The following PPEF1 variants were observed in gnomAD, a reference collection of about 807,000 sequenced individuals.
PPEF1 encodes the protein serine/threonine-protein phosphatase with EF-hands 1.
In PPEF1, 12 loss-of-function variants were observed where a neutral mutation model predicts 53.3. The ratio of observed to expected loss-of-function variants is 0.23; its 90% CI spans 0.14 to 0.36. PPEF1 has a LOEUF of 0.36. PPEF1 is among the 10% of genes least tolerant of loss of function. The pLI is 1.00. For missense variants in PPEF1, 334 were observed against 490.4 expected (o/e 0.68, Z 3.01); for synonymous variants, 165 against 176.7 (o/e 0.93, Z 0.52).
intron 3 of PPEF1, among the ~76,000 whole-genome samples, chrX:18,745,155 TATA>T (rs1392082642): frequency 3.1e-5 from 3 of 95,527 alleles, no homozygotes; most frequent in African/African-American, 1.2e-4. Context: ...TATTATATAT[TATA>T]ATATAATTAT....
At chrX:18,827,185 C>A in intron 15 of PPEF1, 91 bp from the exon 16 acceptor site, 1 of 704,183 alleles carries the variant, frequency 1.4e-6, no homozygotes, top group Non-Finnish European at 2.2e-6. Flanking sequence ...GAGTTTCTAA[C>A]TGGGGCTATT....
chrX:18,706,217 GAA>G (rs761694284), upstream of PPEF1, among the ~76,000 whole-genome samples: 1,287 of 54,340 alleles, frequency 0.024, 21 homozygotes, highest in African/African-American at 0.063. Flanking sequence ...GACCCTGTCT[GAA>G]AAAAAAAAAA....
intron 3 of PPEF1, among the ~76,000 whole-genome samples, chrX:18,734,128 T>TTTA (rs200557837): frequency 0.014 from 1,486 of 105,992 alleles, 24 homozygotes; most frequent in African/African-American, 0.048. Flanking sequence ...GGGAACCTTA[T>TTTA]TTATTATTAT....
chrX:18,726,374 AT>A (rs2147353523), intron 1 of PPEF1, among the ~76,000 whole-genome samples: 1 of 108,920 alleles, frequency 9.2e-6, no homozygotes, highest in Non-Finnish European at 1.9e-5. Flanking sequence ...AAATAAATAA[AT>A]AAATAAATAA....
chrX:18,738,411 T>C (rs973560788), intron 3 of PPEF1, among the ~76,000 whole-genome samples: 10 of 111,987 alleles, frequency 8.9e-5, no homozygotes, highest in Non-Finnish European at 1.9e-4. Context: ...TATGAAATTC[T>C]GGGTTGAAAA....
At chrX:18,765,397 A>G (rs892405447) in intron 6 of PPEF1, among the ~76,000 whole-genome samples, 4 of 111,825 alleles carry the variant, frequency 3.6e-5, no homozygotes, top group Non-Finnish European at 5.6e-5. Flanking sequence ...CACGAGGACT[A>G]TAGGTAATAA....
chrX:18,787,671 G>C (rs979937375), intron 9 of PPEF1, among the ~76,000 whole-genome samples: 1 of 107,425 alleles, frequency 9.3e-6, no homozygotes, highest in Non-Finnish European at 1.9e-5. Context: ...TATAGTCCCA[G>C]TACATTGGGA....
At chrX:18,819,351 C>T (rs970721342) in intron 13 of PPEF1, among the ~76,000 whole-genome samples, 1 of 111,718 alleles carries the variant, frequency 9.0e-6, no homozygotes, top group Non-Finnish European at 1.9e-5. Context: ...ATGGGTTAAA[C>T]GGAAGATTAG....
rs2044387684 is a variant in PPEF1 at position 18,714,088 on chromosome X, C to T, written c.46+6262C>T. 3.6e-5 allele frequency among the ~76,000 whole-genome samples: 4 copies of T among 110,874 alleles called. No individual in the cohort carries two copies. The South Asian group carries it at 1.5e-3, about 42-fold the overall frequency. On this transcript the variant is annotated intron_variant, in intron 1 of 15. Coordinates refer to ENST00000470157, the MANE Select transcript of PPEF1 (RefSeq NM_001377996.1). ...TCAAGGGCTATAAATATTTTGAAAG[C>T]TCTTGATAGAAAATGATAGATATTA...
intron 7 of PPEF1, 115 bp from the exon 8 acceptor site, chrX:18,782,251 T>C: frequency 1.7e-6 from 1 of 600,937 alleles, no homozygotes; most frequent in East Asian, 3.5e-5. Context: ...AACTGAACTC[T>C]GGTTTCTTGA....
intron 2 of PPEF1, 59 bp from the exon 3 acceptor site, chrX:18,733,689 T>G: frequency 1.0e-6 from 1 of 969,233 alleles, no homozygotes; most frequent in Non-Finnish European, 1.4e-6. Flanking sequence ...ACCAACAGCA[T>G]TTGTCACAGT....
At chrX:18,727,647 T>A (rs1355556271) in intron 1 of PPEF1, among the ~76,000 whole-genome samples, 1 of 110,124 alleles carries the variant, frequency 9.1e-6, no homozygotes, top group African/African-American at 3.3e-5. Context: ...ATCCCACAGG[T>A]TGAGGGCTCA....
chrX:18,733,669 C>T (rs1490677298), intron 2 of PPEF1, 79 bp from the exon 3 acceptor site: 37 of 842,864 alleles, frequency 4.4e-5, no homozygotes, highest in Admixed American at 6.2e-5. Flanking sequence ...TAAGGGCACT[C>T]GGGTGGAACA....
intron 5 of PPEF1, 142 bp downstream of exon 5, chrX:18,757,883 T>G: frequency 2.6e-6 from 1 of 381,737 alleles, no homozygotes; most frequent in Admixed American, 4.7e-5. Flanking sequence ...ATAATACTGT[T>G]CCCCATCTTG....
At chrX:18,716,304 G>A (rs956810107) in intron 1 of PPEF1, among the ~76,000 whole-genome samples, 3 of 110,575 alleles carry the variant, frequency 2.7e-5, no homozygotes, top group South Asian at 3.8e-4. Context: ...AGGCCGAGGC[G>A]GGTGAATCAC....
At chrX:18,739,564 T>A (rs1019509309) in intron 3 of PPEF1, among the ~76,000 whole-genome samples, 3 of 112,082 alleles carry the variant, frequency 2.7e-5, no homozygotes, top group Non-Finnish European at 5.6e-5. Flanking sequence ...TGTCTCCCAG[T>A]TAGGCTACTC....
intron 3 of PPEF1, among the ~76,000 whole-genome samples, chrX:18,740,901 T>C (rs1299246701): frequency 9.4e-6 from 1 of 106,339 alleles, no homozygotes; most frequent in Non-Finnish European, 1.9e-5. Flanking sequence ...CATTTTGCTT[T>C]AATTTGGGCC....
chrX:18,792,434 T>G, intron 10 of PPEF1, among the ~76,000 whole-genome samples: 1 of 112,087 alleles, frequency 8.9e-6, no homozygotes. Context: ...TTTGTTTCAT[T>G]TCCTGAAACA....
chrX:18,685,408 AGGCACGGTGGC>A (rs1415677328), intron 2 of PPEF1, among the ~76,000 whole-genome samples: 22 of 111,704 alleles, frequency 2.0e-4, no homozygotes, highest in African/African-American at 6.8e-4. Context: ...GGGTTCTGCC[AGGCACGGTGGC>A]TCACGCCTGT....
Sources: gnomAD v4.1 joint callset for allele counts (sites outside exome capture counted in the v4.1 genomes callset) on GRCh38, gnomAD v4.1.1 for gene constraint, MANE v1.5 for transcripts, NCBI Gene and HGNC (gene_info 2026-07-23, HGNC 2026-07-21) for gene names.